Variants in RBFOX3 observed in about 807,000 individuals in gnomAD.
RBFOX3 encodes RNA binding fox-1 homolog 3, also known as RNA binding protein fox-1 homolog 3.
Under a neutral mutation model 48.7 loss-of-function variants are expected in RBFOX3, and 17 were observed. That is an observed-to-expected ratio of 0.35 (90% CI 0.24 to 0.52). RBFOX3 has a LOEUF of 0.52. RBFOX3 is among the 20% of genes least tolerant of loss of function. The pLI, the probability that RBFOX3 is intolerant of heterozygous loss-of-function variation, is 0.94. For missense variants in RBFOX3, 382 were observed against 497.5 expected, an observed-to-expected ratio of 0.77 and a Z score of 2.21; for synonymous variants, 212 against 209.5, an observed-to-expected ratio of 1.01 and a Z score of -0.10.
At chr17:79,617,466 G>A in the RBFOX3 span, among the ~76,000 whole-genome samples, 13 of 152,110 alleles carry the variant, frequency 8.5e-5, no homozygotes, top group African/African-American at 3.1e-4. Flanking sequence ...AGGGAAGGCT[G>A]AATCACAAAC....
At chr17:79,440,316 A>G (rs1370404608) in intron 2 of RBFOX3, among the ~76,000 whole-genome samples, 1 of 152,134 alleles carries the variant, frequency 6.6e-6, no homozygotes, top group Non-Finnish European at 1.5e-5. Flanking sequence ...ATTTTTGAAA[A>G]TGGTGGCTTC....
intron 11 of RBFOX3, 120 bp downstream of exon 11, chr17:79,097,172 C>T: frequency 1.2e-6 from 1 of 845,368 alleles, no homozygotes; most frequent in Non-Finnish European, 1.8e-6. Flanking sequence ...TCCCACGATC[C>T]TCCCCCCCCC....
chr17:79,124,495 T>A (rs12937891), intron 4 of RBFOX3, among the ~76,000 whole-genome samples: 1 of 152,116 alleles, frequency 6.6e-6, no homozygotes, highest in Non-Finnish European at 1.5e-5. Flanking sequence ...AGAGGATTTC[T>A]GGTACCACAG....
At chr17:79,381,892 G>C (rs2059970738) in intron 2 of RBFOX3, among the ~76,000 whole-genome samples, 1 of 152,172 alleles carries the variant, frequency 6.6e-6, no homozygotes, top group Non-Finnish European at 1.5e-5. Context: ...TCTCAGCGGG[G>C]CCCAGGGGTG....
At chr17:79,230,640 C>T (rs1017686188) in intron 4 of RBFOX3, among the ~76,000 whole-genome samples, 6 of 152,150 alleles carry the variant, frequency 3.9e-5, no homozygotes, top group Admixed American at 6.5e-5. Context: ...AGCTAAGTTC[C>T]GGCTCCTGCA....
Position 79,106,759 on chromosome 17 carries a change from G to A in RBFOX3, c.252C>T (p.Ser84=). The A allele has an allele frequency of 1.3e-6, 2 of 1,525,400 alleles. No homozygotes were observed. Among genetic ancestry groups the A allele is most frequent in the Non-Finnish European group, 8.8e-7 (1 of 1,137,022 alleles). The allele number at this position is 1,525,400 out of a possible 1,614,324, so 94.5% of individuals were successfully genotyped here. ...TAGGGTCGGAGGGGTGGAGCGGCTG[G>A]CTGTCCGTCTGTGCCGCCTCGTCTG... ...PQTDEAAQTD[S]QPLHPSDPTE... The change falls in exon 6 of 15, where the codon AGC becomes AGT. Residue 84 remains serine, a synonymous_variant. Coordinates refer to ENST00000693108, the MANE Select transcript of RBFOX3 (RefSeq NM_001350451.2).
chr17:79,618,322 C>T, the RBFOX3 span, among the ~76,000 whole-genome samples: 4 of 152,180 alleles, frequency 2.6e-5, no homozygotes, highest in East Asian at 1.9e-4. Context: ...GGTTCTTCCC[C>T]GTCTTCCATC....
At chr17:79,264,971 G>T (rs1053296955) in intron 3 of RBFOX3, among the ~76,000 whole-genome samples, 1 of 151,986 alleles carries the variant, frequency 6.6e-6, no homozygotes, top group East Asian at 1.9e-4. Context: ...GAGGAGGGGG[G>T]GGGGGCGCAG....
chr17:79,404,014 G>A (rs116524318), intron 2 of RBFOX3, among the ~76,000 whole-genome samples: 120 of 152,152 alleles, frequency 7.9e-4, no homozygotes, highest in Non-Finnish European at 1.5e-3. Context: ...TCCTGACCTC[G>A]TGATGCACCC....
At chr17:79,150,668 G>C (rs917678389) in intron 4 of RBFOX3, among the ~76,000 whole-genome samples, 3 of 152,130 alleles carry the variant, frequency 2.0e-5, no homozygotes, top group African/African-American at 7.2e-5. Context: ...AGGGGCAGGG[G>C]CAACAGATTC....
At chr17:79,177,532 T>C (rs1337276718) in intron 4 of RBFOX3, among the ~76,000 whole-genome samples, 4 of 152,134 alleles carry the variant, frequency 2.6e-5, no homozygotes, top group African/African-American at 9.7e-5. Flanking sequence ...TACCCCCCTC[T>C]GCGAGCCCAA....
chr17:79,354,470 C>A (rs1032563132), intron 2 of RBFOX3, among the ~76,000 whole-genome samples: 14 of 152,250 alleles, frequency 9.2e-5, no homozygotes, highest in African/African-American at 3.4e-4. Context: ...CCCCAGCCCC[C>A]GGCATCTACA....
chr17:79,157,599 C>T (rs1412178179), intron 4 of RBFOX3, among the ~76,000 whole-genome samples: 1 of 152,162 alleles, frequency 6.6e-6, no homozygotes, highest in African/African-American at 2.4e-5. Flanking sequence ...TTCCCTAAGT[C>T]CCTAAAAGCT....
chr17:79,608,636 C>T (rs991766650), intron 1 of RBFOX3, among the ~76,000 whole-genome samples: 1 of 152,182 alleles, frequency 6.6e-6, no homozygotes, highest in African/African-American at 2.4e-5. Flanking sequence ...TCCCTTCAAC[C>T]GTGCTTCTTG....
At chr17:79,315,461 G>C (rs2077407983) in intron 2 of RBFOX3, among the ~76,000 whole-genome samples, 1 of 152,240 alleles carries the variant, frequency 6.6e-6, no homozygotes, top group Non-Finnish European at 1.5e-5. Flanking sequence ...GACGTGAAAA[G>C]AGCCACCTCT....
intron 4 of RBFOX3, among the ~76,000 whole-genome samples, chr17:79,173,576 C>T (rs940580540): frequency 3.3e-5 from 5 of 152,158 alleles, no homozygotes; most frequent in African/African-American, 1.2e-4. Flanking sequence ...GCTGATCTTC[C>T]CGGTCAACCT....
intron 5 of RBFOX3, among the ~76,000 whole-genome samples, chr17:79,108,999 G>A (rs1480647055): frequency 1.3e-5 from 2 of 152,260 alleles, no homozygotes; most frequent in East Asian, 1.9e-4. Context: ...CGTGGGAACC[G>A]CTGTCCCGAT....
In RBFOX3 at chr17:79,392,676, G is replaced by A. The variant is rs118150833; in HGVS notation, c.-174-84852C>T. ...CCACACCCTCTCTTCCCGATATCTG[G>A]CAAGCATCGGGCAGTGGCTCTATGA... On this transcript the variant is annotated intron_variant, in intron 2 of 14. Transcript: ENST00000693108. This position sits in a 1 kb window ranked among gnomAD's most constrained non-coding sequence, Gnocchi z 5.0. 0.021 allele frequency among the ~76,000 whole-genome samples: 3,217 copies of A among 152,198 alleles called. 65 individuals are homozygous for A. The highest frequency in any genetic ancestry group is 0.066 in the South Asian group (320 of 4,820).
At chr17:79,565,971 T>C (rs1205117560) in intron 1 of RBFOX3, among the ~76,000 whole-genome samples, 2 of 152,180 alleles carry the variant, frequency 1.3e-5, no homozygotes, top group African/African-American at 4.8e-5. Flanking sequence ...TTCTACTAAA[T>C]TGTATTTTGC....
Sources: allele counts gnomAD v4.1 joint callset (sites outside exome capture counted in the v4.1 genomes callset), GRCh38; gene constraint gnomAD v4.1.1; non-coding constraint Gnocchi (gnomAD v3.1); transcripts MANE v1.5; gene names NCBI Gene and HGNC (gene_info 2026-07-23, HGNC 2026-07-21).